The following JPH1 variants were observed in gnomAD, a reference collection of about 807,000 sequenced individuals.
The protein encoded by JPH1 is junctophilin-1.
In JPH1, 12 loss-of-function variants were observed where a neutral mutation model predicts 53.6. The observed-to-expected ratio is 0.22, with a 90% confidence interval of 0.14 to 0.36. The LOEUF is 0.36. JPH1 is among the 10% of genes least tolerant of loss of function. The pLI is 1.00. For missense variants in JPH1, 808 were observed against 905.5 expected (o/e 0.89, Z 1.38); for synonymous variants, 375 against 363.8 (o/e 1.03, Z -0.35).
intron 2 of JPH1, among the ~76,000 whole-genome samples, chr8:74,306,491 A>G (rs1482358282): frequency 6.6e-6 from 1 of 152,202 alleles, no homozygotes; most frequent in Non-Finnish European, 1.5e-5. Context: ...CTAGGAGCAA[A>G]TTCCAGAAGT....
rs1172704061 is a variant in JPH1, at chr8:74,315,794, G to GT, written c.380-175dup. ...GAATCCCCGCCCTGTAATTTTGGGT[G>GT]TAAGGCTTTAATGTCATTGCACAGA... On this transcript the variant is annotated intron_variant, in intron 1 of 5. Coordinates refer to ENST00000342232, the MANE Select transcript of JPH1 (RefSeq NM_020647.4). This position sits in a 1 kb window ranked among gnomAD's most constrained non-coding sequence, Gnocchi z 6.3. 6.6e-6 allele frequency among the ~76,000 whole-genome samples: 1 copy of GT among 152,224 alleles called. No individual in the cohort carries two copies. The highest frequency in any genetic ancestry group is 1.5e-5 in the Non-Finnish European group (1 of 68,038).
At chr8:74,259,151 AT>A (rs1440154661) in intron 3 of JPH1, among the ~76,000 whole-genome samples, 2 of 152,226 alleles carry the variant, frequency 1.3e-5, no homozygotes, top group African/African-American at 4.8e-5. Context: ...AGCTCAAGAG[AT>A]CTCACTGTGT....
At chr8:74,289,748 A>G (rs7813042) in intron 2 of JPH1, among the ~76,000 whole-genome samples, 8,067 of 152,268 alleles carry the variant, frequency 0.053, 436 homozygotes, top group African/African-American at 0.14. Flanking sequence ...CGTCCCATCA[A>G]TACCTAGTTT....
intron 2 of JPH1, among the ~76,000 whole-genome samples, chr8:74,272,673 G>A (rs1456278422): frequency 2.8e-5 from 4 of 145,238 alleles, no homozygotes; most frequent in East Asian, 2.0e-4. Context: ...GCGCGATCTC[G>A]ACTCACTGCA....
chr8:74,307,979 G>A (rs912684214), intron 2 of JPH1, among the ~76,000 whole-genome samples: 1 of 152,150 alleles, frequency 6.6e-6, no homozygotes, highest in African/African-American at 2.4e-5. Flanking sequence ...AATTACTTAT[G>A]AGTAAAATGT....
rs558501137 is a variant in JPH1, at chr8:74,301,041, A to G, written c.1139+13820T>C. ...GGGAATGAATGAACCTTTTTCATTAACCTTAATAGGGGTATTAGAGTATCA... is the reference window on the plus strand; with the variant it reads ...GGGAATGAATGAACCTTTTTCATTAGCCTTAATAGGGGTATTAGAGTATCA... On this transcript the variant is annotated intron_variant, in intron 2 of 5. Coordinates refer to ENST00000342232, the MANE Select transcript of JPH1 (RefSeq NM_020647.4). Among the ~76,000 whole-genome samples, 5 of 152,294 alleles carry G rather than the reference A, an allele frequency of 3.3e-5. 1 individual carries two copies. The highest frequency in any genetic ancestry group is 1.2e-4 in the African/African-American group (5 of 41,566).
intron 2 of JPH1, among the ~76,000 whole-genome samples, chr8:74,272,461 T>G (rs187242967): frequency 1.3e-5 from 2 of 152,182 alleles, no homozygotes; most frequent in East Asian, 3.9e-4. Flanking sequence ...CTGGCAACAG[T>G]AAATTATAAA....
At chr8:74,246,387 G>A (rs1448996428) in intron 3 of JPH1, among the ~76,000 whole-genome samples, 1 of 151,990 alleles carries the variant, frequency 6.6e-6, no homozygotes, top group Non-Finnish European at 1.5e-5. Flanking sequence ...ATTTACAGAG[G>A]GACTGAACAG....
intron 3 of JPH1, among the ~76,000 whole-genome samples, chr8:74,252,687 G>A (rs555308915): frequency 2.6e-5 from 4 of 152,138 alleles, no homozygotes; most frequent in South Asian, 2.1e-4. Flanking sequence ...TCAAAATAAA[G>A]GGATGGAGGA....
intron 2 of JPH1, among the ~76,000 whole-genome samples, chr8:74,274,715 T>C (rs1325170588): frequency 6.6e-6 from 1 of 152,232 alleles, no homozygotes; most frequent in Non-Finnish European, 1.5e-5. Flanking sequence ...GTTGAGGGCT[T>C]GTAAACTTTC....
chr8:74,306,030 G>T (rs1186143333), intron 2 of JPH1, among the ~76,000 whole-genome samples: 1 of 151,966 alleles, frequency 6.6e-6, no homozygotes, highest in East Asian at 1.9e-4. Flanking sequence ...TTGTTTTAAA[G>T]AAAGATCTTT....
At chr8:74,270,989 T>C (rs1175141036) in intron 2 of JPH1, among the ~76,000 whole-genome samples, 2 of 152,150 alleles carry the variant, frequency 1.3e-5, no homozygotes, top group Non-Finnish European at 2.9e-5. Context: ...CTGGACTCCA[T>C]TCCTTAGTGA....
intron 2 of JPH1, among the ~76,000 whole-genome samples, chr8:74,274,092 T>C (rs1030644386): frequency 6.6e-6 from 1 of 152,196 alleles, no homozygotes; most frequent in African/African-American, 2.4e-5. Context: ...TGTGGCACCT[T>C]TTCCCTTTTT....
intron 2 of JPH1, among the ~76,000 whole-genome samples, chr8:74,284,542 C>T (rs1373849902): frequency 6.6e-6 from 1 of 151,182 alleles, no homozygotes; most frequent in African/African-American, 2.4e-5. Context: ...GCTGACACAC[C>T]AATTAAAAAA....
At chr8:74,309,971 G>A (rs61660476) in intron 2 of JPH1, among the ~76,000 whole-genome samples, 2,690 of 152,268 alleles carry the variant, frequency 0.018, 88 homozygotes, top group African/African-American at 0.062. Context: ...CCAATTCTAA[G>A]TTATAAGGCT....
rs1158760109 is a variant in JPH1, at chr8:74,236,931, C to A, written c.*120G>T. ...CTCGCGATCCCATCCTAATTCCAAG[C>A]CTCCTTCCCTGTGTCTGAGTCTGCC... On this transcript the variant is annotated 3_prime_UTR_variant, in exon 6 of 6. Coordinates refer to ENST00000342232, the MANE Select transcript of JPH1 (RefSeq NM_020647.4). 1.1e-5 allele frequency: 3 copies of A among 270,810 alleles called. No individual in the cohort carries two copies. The highest frequency in any genetic ancestry group is 2.1e-5 in the Non-Finnish European group (3 of 145,416). 16.8% of individuals were successfully genotyped at this position (270,810 alleles called of 1,614,324 possible).
chr8:74,295,012 G>A (rs1807464644), intron 2 of JPH1, among the ~76,000 whole-genome samples: 5 of 152,230 alleles, frequency 3.3e-5, no homozygotes, highest in Admixed American at 3.3e-4. Context: ...AACCACACAT[G>A]CTGCTTCTCT....
chr8:74,237,335 C>A, intron 4 of JPH1, 32 bp from the exon 5 acceptor site: 1 of 1,514,674 alleles, frequency 6.6e-7, no homozygotes, highest in East Asian at 2.3e-5. Context: ...GTAACTATAA[C>A]TTCTCCATGT....
intron 2 of JPH1, 94 bp downstream of exon 2, chr8:74,314,767 T>C (rs1808090927): frequency 7.2e-7 from 1 of 1,387,952 alleles, no homozygotes; most frequent in Non-Finnish European, 1.0e-6. Context: ...GTAGAAAGCA[T>C]TTAGCGATGT....
Sources: allele counts gnomAD v4.1 joint callset (sites outside exome capture counted in the v4.1 genomes callset), GRCh38; gene constraint gnomAD v4.1.1; non-coding constraint Gnocchi (gnomAD v3.1); transcripts MANE v1.5; gene names NCBI Gene and HGNC (gene_info 2026-07-23, HGNC 2026-07-21).